Variants in SLC9C1 observed in about 807,000 individuals in gnomAD.
SLC9C1 encodes sodium/hydrogen exchanger 10.
A neutral mutation model predicts 140.9 loss-of-function variants in SLC9C1; 97 were observed. That is an observed-to-expected ratio of 0.69 (90% CI 0.58 to 0.82). SLC9C1 has a LOEUF of 0.82. Among genes scored for constraint, SLC9C1 ranks in the 40% least tolerant of loss-of-function variants. SLC9C1 has a pLI of 0.00. For missense variants in SLC9C1, 1,340 were observed against 1,389.3 expected, an observed-to-expected ratio of 0.96 and a Z score of 0.56; for synonymous variants, 440 against 442.6, an observed-to-expected ratio of 0.99 and a Z score of 0.07.
At chr3:112,150,751 A>AAT (rs1268090930) in intron 28 of SLC9C1, among the ~76,000 whole-genome samples, 12 of 144,076 alleles carry the variant, frequency 8.3e-5, no homozygotes, top group African/African-American at 3.1e-4. Context: ...ATATATATAA[A>AAT]ATATATATAT....
At chr3:112,258,602 G>T (rs1398249703) in intron 10 of SLC9C1, among the ~76,000 whole-genome samples, 1 of 151,678 alleles carries the variant, frequency 6.6e-6, no homozygotes, top group Non-Finnish European at 1.5e-5. Flanking sequence ...CAGGCTATTT[G>T]TATTTTTATT....
chr3:112,212,910 C>T (rs1026182873), intron 15 of SLC9C1, among the ~76,000 whole-genome samples: 4 of 152,054 alleles, frequency 2.6e-5, no homozygotes, highest in African/African-American at 4.8e-5. Context: ...ATTGTCAGAT[C>T]CACCAAAGTT....
At chr3:112,250,353 A>C (rs1050973618) in intron 10 of SLC9C1, among the ~76,000 whole-genome samples, 4 of 151,084 alleles carry the variant, frequency 2.6e-5, no homozygotes, top group African/African-American at 9.8e-5. Flanking sequence ...TGCTATTGTG[A>C]ATAGTGCCAC....
At chr3:112,202,982 C>T (rs1406493147) in intron 17 of SLC9C1, among the ~76,000 whole-genome samples, 1 of 152,014 alleles carries the variant, frequency 6.6e-6, no homozygotes, top group Non-Finnish European at 1.5e-5. Context: ...CCATACTCTA[C>T]CCTGCAACTA....
chr3:112,229,579 TTATC>T (rs773084179), intron 13 of SLC9C1, among the ~76,000 whole-genome samples: 37 of 152,070 alleles, frequency 2.4e-4, no homozygotes, highest in Non-Finnish European at 4.4e-4. Flanking sequence ...CAAAAAGAGA[TTATC>T]AAGCAAAAGG....
At chr3:112,162,460 A>C (rs1227324140) in intron 26 of SLC9C1, among the ~76,000 whole-genome samples, 2 of 152,164 alleles carry the variant, frequency 1.3e-5, no homozygotes, top group Non-Finnish European at 2.9e-5. Context: ...TACCGAATTT[A>C]TTGAGAGTTT....
intron 10 of SLC9C1, among the ~76,000 whole-genome samples, chr3:112,248,781 T>C (rs2079364848): frequency 6.6e-6 from 1 of 152,204 alleles, no homozygotes; most frequent in Non-Finnish European, 1.5e-5. Flanking sequence ...TCACTTATCA[T>C]TAAGCTTTTA....
chr3:112,183,381 C>A (rs2107965717), intron 20 of SLC9C1, among the ~76,000 whole-genome samples: 2 of 58,106 alleles, frequency 3.4e-5, no homozygotes, highest in Non-Finnish European at 3.1e-5. Context: ...CAGCCAATCA[C>A]AAAAAACAGA....
rs147879994 is a variant in SLC9C1 at position 112,254,457 on chromosome 3, G to A, written c.1197+8467C>T. 1.3e-3 allele frequency among the ~76,000 whole-genome samples: 204 copies of A among 152,194 alleles called. 3 individuals are homozygous for A. The East Asian group carries it at 0.029, about 22-fold the overall frequency. On this transcript the variant is annotated intron_variant, in intron 10 of 28. Transcript: ENST00000305815. ...ATTCAACATTCTTAGACAAAAAATC[G>A]TCAACCAATAATTTCATATCCAGCC...
rs557467388 is a variant in SLC9C1, at chr3:112,238,893, A to G, written c.1446+947T>C. 8.7e-4 allele frequency among the ~76,000 whole-genome samples: 132 copies of G among 152,286 alleles called. 1 individual carries two copies. Among genetic ancestry groups the G allele is most frequent in the African/African-American group, 2.9e-3 (122 of 41,576 alleles). ...CTGGGGGGTGCCTCCCGGTTAGGCT[A>G]TTCAGGGGTCAGGGACCCACTTGAG... On this transcript the variant is annotated intron_variant, in intron 12 of 28. Coordinates refer to ENST00000305815, the MANE Select transcript of SLC9C1 (RefSeq NM_183061.3).
chr3:112,180,499 G>T, intron 22 of SLC9C1, 65 bp downstream of exon 22: 1 of 1,345,762 alleles, frequency 7.4e-7, no homozygotes, highest in Non-Finnish European at 1.0e-6. Context: ...CTCCAGCTTG[G>T]GCAACAAGAG....
chr3:112,162,651 T>A (rs553440116), intron 26 of SLC9C1, among the ~76,000 whole-genome samples: 7 of 152,232 alleles, frequency 4.6e-5, no homozygotes, highest in Non-Finnish European at 1.0e-4. Flanking sequence ...ATCTTTTTGA[T>A]GTACTGCTGG....
At chr3:112,156,179 T>C (rs13061801) in intron 26 of SLC9C1, among the ~76,000 whole-genome samples, 44,996 of 151,978 alleles carry the variant, frequency 0.3, 7,229 homozygotes, top group East Asian at 0.43. Context: ...CAGTCTTTGA[T>C]AACTATCATG....
chr3:112,293,956 C>T (rs73225608), intron 1 of SLC9C1, 137 bp downstream of exon 1: 16,530 of 151,984 alleles, frequency 0.11, 1,102 homozygotes, highest in African/African-American at 0.17. Flanking sequence ...AAGGCAGAAG[C>T]GCCAAGAGGG....
At chr3:112,272,682 C>G (rs2080108721) in intron 6 of SLC9C1, among the ~76,000 whole-genome samples, 2 of 152,124 alleles carry the variant, frequency 1.3e-5, no homozygotes, top group Admixed American at 1.3e-4. Flanking sequence ...GAAGTCATTA[C>G]TATTATTATT....
chr3:112,164,966 C>G (rs1222720255), intron 26 of SLC9C1, among the ~76,000 whole-genome samples: 1 of 152,126 alleles, frequency 6.6e-6, no homozygotes, highest in Non-Finnish European at 1.5e-5. Context: ...AGGCTTTATT[C>G]ATTTCTTTTT....
intron 17 of SLC9C1, among the ~76,000 whole-genome samples, chr3:112,202,808 A>G (rs2077940031): frequency 6.6e-6 from 1 of 151,638 alleles, no homozygotes; most frequent in Non-Finnish European, 1.5e-5. Context: ...CAGGTGAGAA[A>G]CCACCACAAC....
intron 11 of SLC9C1, among the ~76,000 whole-genome samples, chr3:112,243,270 C>A (rs1258533878): frequency 6.6e-6 from 1 of 152,182 alleles, no homozygotes; most frequent in Non-Finnish European, 1.5e-5. Context: ...ACCTAAGTGT[C>A]CATCAATGGT....
chr3:112,165,163 A>T (rs2077096882), intron 26 of SLC9C1, among the ~76,000 whole-genome samples: 1 of 151,994 alleles, frequency 6.6e-6, no homozygotes, highest in Non-Finnish European at 1.5e-5. Context: ...TATTCTAGTT[A>T]GCCATTCGTC....
Sources: allele counts gnomAD v4.1 joint callset (sites outside exome capture counted in the v4.1 genomes callset), GRCh38; gene constraint gnomAD v4.1.1; transcripts MANE v1.5; gene names NCBI Gene and HGNC (gene_info 2026-07-23, HGNC 2026-07-21).